IRS4: variants seen among roughly 807,000 people sequenced by gnomAD.
IRS4 encodes the protein insulin receptor substrate 4.
A neutral mutation model predicts 48.6 loss-of-function variants in IRS4; 15 were observed. The ratio of observed to expected loss-of-function variants is 0.31; its 90% CI spans 0.21 to 0.48. IRS4 has a LOEUF of 0.48. Ranked by LOEUF, IRS4 falls within the 20% of genes least tolerant of loss-of-function variation. IRS4 has a pLI of 0.99. For synonymous variants in IRS4, 459 were observed against 413.2 expected (o/e 1.11, Z -1.34); for missense variants, 987 against 1,023.4 (o/e 0.96, Z 0.49).
In IRS4 at chrX:108,732,778, G is replaced by T; in HGVS notation, c.3567C>A (p.Ala1189=). ...TGGCAAGGTTTGCAGATGGGTTGTG[G>T]GCTCCAGGGTTCGAGCCACCGGCAA... The part of the protein sequence containing the change: ...QDVAGGSNPG[A]HNPSANLARG... Residue 1189 remains alanine (A), a synonymous_variant, in exon 1 of 2, where the codon GCC becomes GCA. Transcript: ENST00000372129. 8.3e-7 allele frequency: 1 copy of T among 1,201,194 alleles called. No individual in the cohort carries two copies. The highest frequency in any genetic ancestry group is 1.1e-6 in the Non-Finnish European group (1 of 888,522).
chrX:108,733,647 T>G lies in IRS4; in HGVS notation c.2698A>C (p.Lys900Gln), dbSNP rs370554029. The G allele has an allele frequency of 2.5e-6, 3 of 1,211,955 alleles. No homozygotes were observed. In the East Asian group the frequency reaches 8.9e-5, roughly 36 times the overall value. The change falls in exon 1 of 2, where the codon AAA (lysine) becomes CAA (glutamine). Residue 900 changes from lysine (K) to glutamine (Q), a missense_variant. Coordinates refer to ENST00000372129, the MANE Select transcript of IRS4 (RefSeq NM_001379150.1). ...NRLSFITKGY[K>Q]IKPKPQKPTH... Reference sequence around the variant, plus strand: ...GGCTTTTGTGGTTTTGGCTTGATTTTATATCCTTTTGTAATAAAAGAAAGT... The same window carrying G: ...GGCTTTTGTGGTTTTGGCTTGATTTGATATCCTTTTGTAATAAAAGAAAGT...
intron 1 of IRS4, 109 bp from the exon 2 acceptor site, chrX:108,722,632 A>G (rs2068859890): frequency 7.6e-6 from 2 of 262,418 alleles, no homozygotes; most frequent in Non-Finnish European, 1.4e-5. Context: ...AAATCTAACT[A>G]GAAGTTTTTG....
At chrX:108,732,487 GAA>G (rs1229746774) in intron 1 of IRS4, 90 bp downstream of exon 1, 1 of 1,189,803 alleles carries the variant, frequency 8.4e-7, no homozygotes, top group Non-Finnish European at 1.1e-6. Context: ...ACCAGTTAAT[GAA>G]ATAGTATCCC....
At position 108,735,306 on chromosome X, in the gene IRS4, T is replaced by A. The variant is rs369319502; in HGVS notation, c.1039A>T (p.Ile347Phe). ...AGCAGGGTTAACAGGTGGGCGCCGA[T>A]GCTGATGCTGTAGCTGCGGCAGCGG... ...RARCRSYSIS[I>F]GAHLLTLLSA... The change falls in exon 1 of 2, where the codon ATC (isoleucine) becomes TTC (phenylalanine). Residue 347 changes from isoleucine (I) to phenylalanine (F), a missense_variant. Ile to Phe is a conservative substitution (Grantham distance 21, BLOSUM62 0). This residue lies in a region of IRS4 where 74 missense variants were observed against 100.4 expected (regional missense o/e 0.74). Coordinates refer to ENST00000372129, the MANE Select transcript of IRS4 (RefSeq NM_001379150.1). 5 of 1,211,652 alleles carry A rather than the reference T, an allele frequency of 4.1e-6. No homozygotes were observed. Among genetic ancestry groups the A allele is most frequent in the Non-Finnish European group, 5.6e-6 (5 of 895,526 alleles).
chrX:108,736,201 C>A lies in IRS4; in HGVS notation c.144G>T (p.Ser48=), dbSNP rs763671912. The change falls in exon 1 of 2, where the codon TCG becomes TCT. Residue 48 remains serine, a synonymous_variant. Transcript: ENST00000372129. ...AGAGCCACATGGCTCCCGGACAAGACGACCCGGTCCCAATGAGTGCGGTCG... is the reference window on the plus strand; with the variant it reads ...AGAGCCACATGGCTCCCGGACAAGAAGACCCGGTCCCAATGAGTGCGGTCG... ...GTPTALIGTG[S]SCPGAMWLST... The A allele has an allele frequency of 1.7e-6, 2 of 1,210,405 alleles. No homozygotes were observed. The highest frequency in any genetic ancestry group is 3.5e-5 in the South Asian group (2 of 56,957).
At chrX:108,730,448 A>G (rs2068896534) in intron 1 of IRS4, among the ~76,000 whole-genome samples, 1 of 110,267 alleles carries the variant, frequency 9.1e-6, no homozygotes, top group African/African-American at 3.3e-5. Context: ...TAAACTGCCG[A>G]AATTTCACTT....
At chrX:108,729,820 A>C (rs533432782) in intron 1 of IRS4, among the ~76,000 whole-genome samples, 9 of 112,230 alleles carry the variant, frequency 8.0e-5, no homozygotes, top group African/African-American at 2.9e-4. Context: ...TGCCAACTGA[A>C]CAATAATGTA....
At chrX:108,723,779 A>C (rs976896327) in intron 1 of IRS4, 1 of 111,982 alleles carries the variant, frequency 8.9e-6, no homozygotes, top group Admixed American at 9.4e-5. Context: ...AGATTAGTAA[A>C]GGTATTAAGC....
chrX:108,724,235 C>CT (rs2068865656), intron 1 of IRS4: 1 of 111,303 alleles, frequency 9.0e-6, no homozygotes, highest in Admixed American at 9.6e-5. Context: ...TTTCTCTTTC[C>CT]TTTTTTTAAA....
chrX:108,722,060 T>C lies in IRS4; in HGVS notation c.*459A>G, dbSNP rs751374286. The C allele has an allele frequency of 8.9e-6, 1 of 112,341 alleles. No individual in the cohort carries two copies. The highest frequency in any genetic ancestry group is 9.4e-5 in the Admixed American group (1 of 10,610). 9.3% of individuals were successfully genotyped at this position (112,341 alleles called of 1,213,427 possible). On this transcript the variant is annotated 3_prime_UTR_variant, in exon 2 of 2. Transcript: ENST00000372129. ...TTCCAGATCATACCTTCCTTCCAAT[T>C]ATGACAGCTGTTTTTTCTTTATGTG... is the stretch of plus-strand genomic sequence containing the variant.
intron 1 of IRS4, chrX:108,723,293 A>C (rs969521168): frequency 6.2e-5 from 7 of 112,291 alleles, no homozygotes; most frequent in African/African-American, 2.3e-4. Context: ...AGTGGGCTTC[A>C]AGTACAAGAT....
intron 1 of IRS4, among the ~76,000 whole-genome samples, chrX:108,729,107 T>C (rs1881236192): frequency 9.0e-6 from 1 of 111,172 alleles, no homozygotes. Context: ...GATCCGTCAA[T>C]GGTAGCTGGG....
At chrX:108,726,856 G>A (rs1444260476) in intron 1 of IRS4, 5 of 112,259 alleles carry the variant, frequency 4.5e-5, no homozygotes, top group Non-Finnish European at 7.5e-5. Flanking sequence ...TCTGTGCCAA[G>A]TGACAGTAGG....
In IRS4 at chrX:108,732,871, G is replaced by A. The variant is rs2068912977; in HGVS notation, c.3474C>T (p.Ala1158=). The change falls in exon 1 of 2, where the codon GCC becomes GCT. Residue 1158 remains alanine, a synonymous_variant. Coordinates refer to ENST00000372129, the MANE Select transcript of IRS4 (RefSeq NM_001379150.1). Reference sequence around the variant, plus strand: ...CAACAGGTTGAAACCAGCGGGCAGAGGCGGAGTCAAATCCAGCAGCTGCGG... The same window carrying A: ...CAACAGGTTGAAACCAGCGGGCAGAAGCGGAGTCAAATCCAGCAGCTGCGG... The part of the protein sequence containing the change: ...AAAAAAGFDS[A]SARWFQPVAN... 1 of 1,169,410 alleles carries A rather than the reference G, an allele frequency of 8.6e-7. No individual in the cohort carries two copies. Among genetic ancestry groups the A allele is most frequent in the Non-Finnish European group, 1.1e-6 (1 of 874,451 alleles).
chrX:108,733,994 G>A lies in IRS4; in HGVS notation c.2351C>T (p.Pro784Leu). ...GTTTTTTGGAATTGCACCGGCTCCAGGAGCCATAAACATGTAGTCACTCTC... is the reference window on the plus strand; with the variant it reads ...GTTTTTTGGAATTGCACCGGCTCCAAGAGCCATAAACATGTAGTCACTCTC... ...DSESDYMFMAPGAGAIPKNPR... is the reference protein window; with the variant it reads ...DSESDYMFMALGAGAIPKNPR... Residue 784 changes from proline to leucine, a missense_variant, in exon 1 of 2, where the codon CCT (proline) becomes CTT (leucine). This residue lies in a region of IRS4 where 720 missense variants were observed against 660.3 expected (regional missense o/e 1.09). Coordinates refer to ENST00000372129, the MANE Select transcript of IRS4 (RefSeq NM_001379150.1). 8.3e-7 allele frequency: 1 copy of A among 1,211,827 alleles called. No homozygotes were observed. The highest frequency in any genetic ancestry group is 1.1e-6 in the Non-Finnish European group (1 of 895,484).
rs769489021 is a variant in IRS4 at position 108,735,343 on chromosome X, G to A, written c.1002C>T (p.Asp334=). The part of the protein sequence containing the change: ...FLEKMRALCA[D]EYRARCRSYS... The stretch of plus-strand genomic sequence containing the variant: ...AGCTGCGGCAGCGGGCTCTGTATTC[G>A]TCTGCACACAAGGCTCTCATCTTCT... Residue 334 remains aspartate, a synonymous_variant, in exon 1 of 2, where the codon GAC becomes GAT. Coordinates refer to ENST00000372129, the MANE Select transcript of IRS4 (RefSeq NM_001379150.1). The A allele has an allele frequency of 1.7e-5, 20 of 1,209,309 alleles. No homozygotes were observed. In the South Asian group the frequency reaches 3.0e-4, roughly 18 times the overall value.
intron 1 of IRS4, 166 bp downstream of exon 1, chrX:108,732,413 T>C: frequency 1.1e-6 from 1 of 898,174 alleles, no homozygotes; most frequent in Non-Finnish European, 1.5e-6. Context: ...AACAAATTTT[T>C]GCAAAGATCA....
At chrX:108,724,494 C>T (rs1004155033) in intron 1 of IRS4, 1 of 112,006 alleles carries the variant, frequency 8.9e-6, no homozygotes, top group Non-Finnish European at 1.9e-5. Context: ...GGAACTTGAG[C>T]CACAGATTTG....
At chrX:108,728,532 G>A (rs1020512572) in intron 1 of IRS4, among the ~76,000 whole-genome samples, 1 of 111,721 alleles carries the variant, frequency 9.0e-6, no homozygotes, top group Non-Finnish European at 1.9e-5. Flanking sequence ...TTACCTTTTT[G>A]ATCTTGGGAA....
Sources: gnomAD v4.1 joint callset for allele counts (sites outside exome capture counted in the v4.1 genomes callset) on GRCh38, gnomAD v4.1.1 for gene constraint, gnomAD v4.1.1 regional missense constraint, MANE v1.5 for transcripts, NCBI Gene and HGNC (gene_info 2026-07-23, HGNC 2026-07-21) for gene names.